TENM2: variants seen among roughly 807,000 people sequenced by gnomAD.
The protein encoded by TENM2 is teneurin transmembrane protein 2.
A neutral mutation model predicts 245.2 loss-of-function variants in TENM2; 52 were observed. That is an observed-to-expected ratio of 0.21 (90% CI 0.17 to 0.27). The LOEUF (loss-of-function observed/expected upper bound fraction) is 0.27, where lower values mean the gene tolerates loss of function less well. TENM2 is among the 10% of genes least tolerant of loss of function. The pLI, the probability that TENM2 is intolerant of heterozygous loss-of-function variation, is 1.00. For missense variants in TENM2, 3,046 were observed against 3,666.8 expected, an observed-to-expected ratio of 0.83 and a Z score of 4.37; for synonymous variants, 1,363 against 1,438.9, an observed-to-expected ratio of 0.95 and a Z score of 1.19.
intron 2 of TENM2, among the ~76,000 whole-genome samples, chr5:167,481,327 C>T (rs963454456): frequency 6.6e-6 from 1 of 152,010 alleles, no homozygotes; most frequent in Non-Finnish European, 1.5e-5. Flanking sequence ...TTTTAGAATC[C>T]TTTTTTTAGA....
intron 2 of TENM2, among the ~76,000 whole-genome samples, chr5:167,606,476 A>G (rs1283671127): frequency 6.6e-6 from 1 of 152,162 alleles, no homozygotes. Context: ...TCTCATCATC[A>G]GGACCCCACT....
intron 8 of TENM2, among the ~76,000 whole-genome samples, chr5:168,096,815 T>C (rs1000574294): frequency 6.6e-6 from 1 of 152,192 alleles, no homozygotes; most frequent in African/African-American, 2.4e-5. Flanking sequence ...TCTTAGTAAT[T>C]TGGAACCTGA....
At chr5:167,544,046 A>G (rs1177688513) in intron 2 of TENM2, among the ~76,000 whole-genome samples, 1 of 152,188 alleles carries the variant, frequency 6.6e-6, no homozygotes, top group South Asian at 2.1e-4. Context: ...TTTGGGAGAC[A>G]CAATTTGATC....
At chr5:167,606,276 A>G (rs1777036086) in intron 2 of TENM2, among the ~76,000 whole-genome samples, 1 of 152,112 alleles carries the variant, frequency 6.6e-6, no homozygotes, top group Non-Finnish European at 1.5e-5. Context: ...AGACACTTAT[A>G]TCACACAGTT....
chr5:167,942,968 T>C (rs1779308619), intron 3 of TENM2, among the ~76,000 whole-genome samples: 1 of 152,018 alleles, frequency 6.6e-6, no homozygotes, highest in Non-Finnish European at 1.5e-5. Flanking sequence ...GTGTGCATTC[T>C]AAAGGCAAAA....
intron 2 of TENM2, among the ~76,000 whole-genome samples, chr5:167,752,889 T>C (rs1015510283): frequency 1.3e-5 from 2 of 152,214 alleles, no homozygotes; most frequent in Non-Finnish European, 2.9e-5. Flanking sequence ...TATGGGTCTA[T>C]ACACAAGAGA....
intron 12 of TENM2, among the ~76,000 whole-genome samples, chr5:168,142,389 A>G (rs1213014988): frequency 1.3e-5 from 2 of 152,240 alleles, no homozygotes; most frequent in African/African-American, 4.8e-5. Flanking sequence ...TTCCATCACC[A>G]GTGAGATGGG....
At chr5:167,652,197 AAATT>A (rs1754519070) in intron 2 of TENM2, among the ~76,000 whole-genome samples, 1 of 152,160 alleles carries the variant, frequency 6.6e-6, no homozygotes, top group Non-Finnish European at 1.5e-5. Context: ...TTGGGACTGG[AAATT>A]ACTTGACCTT....
chr5:167,586,902 A>G (rs566317231), intron 2 of TENM2, among the ~76,000 whole-genome samples: 7 of 152,202 alleles, frequency 4.6e-5, no homozygotes, highest in East Asian at 1.9e-4. Flanking sequence ...ACTTGGGTTT[A>G]TTTTTCAATT....
At chr5:167,876,228 T>C (rs1172535416) in intron 3 of TENM2, 33 bp downstream of exon 5, 1 of 1,496,306 alleles carries the variant, frequency 6.7e-7, no homozygotes, top group East Asian at 2.5e-5. Context: ...GAATGTGTGG[T>C]GTTTCGTGAG....
chr5:167,231,256 C>G, the TENM2 span, among the ~76,000 whole-genome samples: 31,709 of 152,052 alleles, frequency 0.21, 3,883 homozygotes, highest in African/African-American at 0.34. Flanking sequence ...CTTTGGAACT[C>G]AGTAATAGGC....
At chr5:167,333,273 C>T (rs374839121) in intron 1 of TENM2, among the ~76,000 whole-genome samples, 5 of 152,156 alleles carry the variant, frequency 3.3e-5, no homozygotes, top group African/African-American at 7.2e-5. Context: ...TCTAGCCTCA[C>T]GCCTTTCTTT....
chr5:168,032,653 C>G (rs979489490), intron 5 of TENM2, among the ~76,000 whole-genome samples: 1 of 152,176 alleles, frequency 6.6e-6, no homozygotes, highest in African/African-American at 2.4e-5. Flanking sequence ...AAGGCAGAGG[C>G]AGTGGGGAGT....
the TENM2 span, among the ~76,000 whole-genome samples, chr5:167,179,311 C>T: frequency 1.3e-5 from 2 of 152,156 alleles, no homozygotes; most frequent in Non-Finnish European, 2.9e-5. Flanking sequence ...TTTAAAAAGG[C>T]TTTTCCTTTC....
At chr5:167,978,279 A>C (rs80180996) in intron 4 of TENM2, among the ~76,000 whole-genome samples, 1 of 152,182 alleles carries the variant, frequency 6.6e-6, no homozygotes, top group Non-Finnish European at 1.5e-5. Context: ...AGATCCCCCA[A>C]AGCTTTCAAA....
chr5:167,332,284 G>A (rs1757505138), intron 1 of TENM2, among the ~76,000 whole-genome samples: 1 of 152,088 alleles, frequency 6.6e-6, no homozygotes, highest in Admixed American at 6.6e-5. Context: ...TTTCCTTATG[G>A]TATTTTAAAT....
chr5:167,384,887 T>A (rs1214448347), intron 2 of TENM2, among the ~76,000 whole-genome samples: 1 of 152,206 alleles, frequency 6.6e-6, no homozygotes, highest in African/African-American at 2.4e-5. Context: ...GAATGCTGAA[T>A]ATTAGTAACT....
In TENM2 at chr5:168,227,222, C is replaced by A. The variant is rs947301493; in HGVS notation, c.5285-673C>A. Among the ~76,000 whole-genome samples the A allele has an allele frequency of 4.5e-4, 68 of 152,326 alleles. 1 individual carries two copies. The highest frequency in any genetic ancestry group is 1.6e-4 in the Non-Finnish European group (11 of 68,024). On this transcript the variant is annotated intron_variant, in intron 24 of 28. Coordinates refer to ENST00000518659, the Ensembl canonical transcript of TENM2. ...CTTTTCGGTAAAGGAAAAGGTCAGA[C>A]GTCTGATTGACTCGTGTAGTTTCCA...
At chr5:168,161,473 C>T (rs1207183290) in intron 12 of TENM2, among the ~76,000 whole-genome samples, 1 of 152,176 alleles carries the variant, frequency 6.6e-6, no homozygotes, top group Non-Finnish European at 1.5e-5. Context: ...ACACTTAAAA[C>T]AGGTGAATTT....
Sources: allele counts gnomAD v4.1 joint callset (sites outside exome capture counted in the v4.1 genomes callset), GRCh38; gene constraint gnomAD v4.1.1; transcripts MANE v1.5; gene names NCBI Gene and HGNC (gene_info 2026-07-23, HGNC 2026-07-21).